Variants in NKD1 observed in about 807,000 individuals in gnomAD.
NKD1 encodes the protein NKD inhibitor of Wnt signaling pathway 1.
Under a neutral mutation model 56.0 loss-of-function variants are expected in NKD1, and 21 were observed. The ratio of observed to expected loss-of-function variants is 0.38; its 90% confidence interval spans 0.27 to 0.54. The LOEUF (loss-of-function observed/expected upper bound fraction) is 0.54, where lower values mean the gene tolerates loss of function less well. Ranked by LOEUF, NKD1 falls within the 20% of genes least tolerant of loss-of-function variation. NKD1 has a pLI of 0.82. For missense variants in NKD1, 578 were observed against 642.7 expected, an observed-to-expected ratio of 0.90 and a Z score of 1.09; for synonymous variants, 263 against 265.7, an observed-to-expected ratio of 0.99 and a Z score of 0.10.
chr16:50,621,755 T>C (rs753667699), intron 5 of NKD1, 47 bp downstream of exon 5: 6 of 1,437,486 alleles, frequency 4.2e-6, no homozygotes, highest in Non-Finnish European at 4.9e-6. Context: ...AGATGGGTTT[T>C]CTCAGCTTGG....
At chr16:50,618,920 G>A (rs1962025277) in intron 4 of NKD1, among the ~76,000 whole-genome samples, 1 of 152,212 alleles carries the variant, frequency 6.6e-6, no homozygotes, top group Non-Finnish European at 1.5e-5. Context: ...AAGGAAAGGG[G>A]AGGTCCTGAG....
chr16:50,632,176 T>C lies in NKD1; in HGVS notation c.696-105T>C, dbSNP rs1962360404. 9.2e-7 allele frequency: 1 copy of C among 1,090,562 alleles called. No individual in the cohort carries two copies. The highest frequency in any genetic ancestry group is 1.3e-6 in the Non-Finnish European group (1 of 744,366). 67.6% of individuals were successfully genotyped at this position (1,090,562 alleles called of 1,614,324 possible). ...CCCTCTCCAAAGGCCAAGAAGGAAA[T>C]GAATGAAGGGTCCAGAGTTCATTCT... On this transcript the variant is annotated intron_variant, in intron 8 of 9. Coordinates refer to ENST00000268459, the MANE Select transcript of NKD1 (RefSeq NM_033119.5). The surrounding 1 kb of genome is among the most constrained non-coding windows in gnomAD (Gnocchi z 4.1).
Position 50,548,399 on chromosome 16 carries a change from C to A in NKD1, c.-155C>A, listed in dbSNP as rs1036392046. 2 of 312,330 alleles carry A rather than the reference C, an allele frequency of 6.4e-6. No individual in the cohort carries two copies. The highest frequency in any genetic ancestry group is 1.3e-4 in the South Asian group (1 of 7,508). 19.3% of individuals were successfully genotyped at this position (312,330 alleles called of 1,614,324 possible). A position where few individuals can be genotyped will look rare whatever the true frequency, so the allele number is the denominator to read the frequency against. ...GGGCTCGGCGCTCCCGGGCGTCAGT[C>A]GGGCCGCGGCGACGGCGGCAGGAGC... On this transcript the variant is annotated 5_prime_UTR_variant, in exon 1 of 10. Coordinates refer to ENST00000268459, the MANE Select transcript of NKD1 (RefSeq NM_033119.5).
Position 50,623,506 on chromosome 16 carries a change from G to A in NKD1, c.366+1798G>A, listed in dbSNP as rs1962138972. Among the ~76,000 whole-genome samples the A allele has an allele frequency of 6.6e-6, 1 of 152,152 alleles. No homozygotes were observed. Among genetic ancestry groups the A allele is most frequent in the African/African-American group, 2.4e-5 (1 of 41,446 alleles). ...AGTGGCAGAAGGAAGACCAGGCCCA[G>A]GCATCCTGCCTCCCTGGAAGCCCAA... is the stretch of plus-strand genomic sequence containing the variant. On this transcript the variant is annotated intron_variant, in intron 5 of 9. Transcript: ENST00000268459. The surrounding 1 kb of genome is among the most constrained non-coding windows in gnomAD (Gnocchi z 4.1).
In NKD1 at chr16:50,548,533, C is replaced by T; in HGVS notation, c.-21C>T. The T allele has an allele frequency of 6.8e-7, 1 of 1,463,436 alleles. No individual in the cohort carries two copies. Among genetic ancestry groups the T allele is most frequent in the East Asian group, 3.0e-5 (1 of 32,992 alleles). 90.7% of individuals were successfully genotyped at this position (1,463,436 alleles called of 1,614,324 possible). On this transcript the variant is annotated 5_prime_UTR_variant, in exon 1 of 10. Coordinates refer to ENST00000268459, the MANE Select transcript of NKD1 (RefSeq NM_033119.5). ...GCCGGGCGCATGGCTTAGGGACGCT[C>T]CCGGCCGCCGCAGCCCCAGCATGGG...
At chr16:50,563,931 A>G (rs904523790) in intron 3 of NKD1, among the ~76,000 whole-genome samples, 1 of 150,128 alleles carries the variant, frequency 6.7e-6, no homozygotes, top group African/African-American at 2.5e-5. Flanking sequence ...CCTGTGTGTC[A>G]GGCTAAACTC....
At chr16:50,574,323 G>C in intron 3 of NKD1, 1 of 985,398 alleles carries the variant, frequency 1.0e-6, no homozygotes, top group South Asian at 4.7e-5. Context: ...AGTCAGAACT[G>C]GGGGCTGAGG....
At chr16:50,578,052 T>A (rs1961027833) in intron 3 of NKD1, among the ~76,000 whole-genome samples, 1 of 152,238 alleles carries the variant, frequency 6.6e-6, no homozygotes, top group African/African-American at 2.4e-5. Flanking sequence ...TTTAGAATTT[T>A]ATTTATCACT....
chr16:50,578,130 T>G (rs1044506308), intron 3 of NKD1, among the ~76,000 whole-genome samples: 1 of 152,208 alleles, frequency 6.6e-6, no homozygotes, highest in Non-Finnish European at 1.5e-5. Context: ...GCTCCTTCCA[T>G]GTTGTGGCTT....
At chr16:50,577,256 A>G (rs948698885) in intron 3 of NKD1, among the ~76,000 whole-genome samples, 6 of 152,196 alleles carry the variant, frequency 3.9e-5, no homozygotes, top group Non-Finnish European at 8.8e-5. Context: ...GTGGGTGGGT[A>G]GAGTATATTT....
At chr16:50,608,776 T>C (rs1037691504) in intron 4 of NKD1, among the ~76,000 whole-genome samples, 3 of 152,186 alleles carry the variant, frequency 2.0e-5, no homozygotes, top group Admixed American at 1.3e-4. Context: ...ACTCTCTTGG[T>C]GCATGAGTGT....
chr16:50,591,654 T>A (rs1401580579), intron 3 of NKD1, among the ~76,000 whole-genome samples: 1 of 152,200 alleles, frequency 6.6e-6, no homozygotes, highest in Admixed American at 6.5e-5. Flanking sequence ...CATTTTTCCC[T>A]ACCATAACCA....
At chr16:50,616,092 C>G (rs142020416) in intron 4 of NKD1, 77 of 455,784 alleles carry the variant, frequency 1.7e-4, no homozygotes, top group African/African-American at 1.3e-3. Flanking sequence ...GGCAAGCAAC[C>G]CTGAGACTAA....
At chr16:50,629,516 C>T (rs1468806803) in intron 6 of NKD1, among the ~76,000 whole-genome samples, 1 of 152,198 alleles carries the variant, frequency 6.6e-6, no homozygotes, top group Non-Finnish European at 1.5e-5. Flanking sequence ...CAAAGTTCAC[C>T]TGCTGCCATG....
In NKD1 at chr16:50,608,238, C is replaced by T. The variant is rs908166848; in HGVS notation, c.193-56C>T. On this transcript the variant is annotated intron_variant, in intron 3 of 9. Transcript: ENST00000268459. ...GTCCTCATGGCACTGCTTTTAACGT[C>T]CCAGCACTGGGCTCCCCCAACCCCT... The T allele has an allele frequency of 9.7e-6, 12 of 1,237,930 alleles. No homozygotes were observed. In the African/African-American group the frequency reaches 1.8e-4, roughly 18 times the overall value. The allele number at this position is 1,237,930 out of a possible 1,614,324, so 76.7% of individuals were successfully genotyped here.
rs891647040 is a variant in NKD1, at chr16:50,641,394, C to T, written c.*7613C>T. ...AAGTCAATCCTCTGCTCACCGGGAC[C>T]GTACCTAGCCTGGCCCATCGATGTG... On this transcript the variant is annotated 3_prime_UTR_variant, in exon 10 of 10. Coordinates refer to ENST00000268459, the MANE Select transcript of NKD1 (RefSeq NM_033119.5). 7 of 152,204 alleles carry T rather than the reference C, an allele frequency of 4.6e-5. No individual in the cohort carries two copies. Among genetic ancestry groups the T allele is most frequent in the African/African-American group, 1.2e-4 (5 of 41,454 alleles). The allele number at this position is 152,204 out of a possible 1,614,324, so 9.4% of individuals were successfully genotyped here.
chr16:50,624,772 T>G (rs945446025), intron 5 of NKD1, among the ~76,000 whole-genome samples: 2 of 152,220 alleles, frequency 1.3e-5, no homozygotes, highest in Non-Finnish European at 2.9e-5. Flanking sequence ...CACTGCCTCC[T>G]GTCCCTCCCT....
At chr16:50,611,187 C>G (rs1961838358) in intron 4 of NKD1, among the ~76,000 whole-genome samples, 2 of 152,202 alleles carry the variant, frequency 1.3e-5, no homozygotes, top group South Asian at 2.1e-4. Context: ...TGCTTCATCC[C>G]CCTCTCCCAT....
At chr16:50,597,240 G>A (rs1241131812) in intron 3 of NKD1, among the ~76,000 whole-genome samples, 1 of 152,074 alleles carries the variant, frequency 6.6e-6, no homozygotes, top group African/African-American at 2.4e-5. Flanking sequence ...CCTCTGGGGT[G>A]TCTGGCCAGA....
Sources: allele counts gnomAD v4.1 joint callset (sites outside exome capture counted in the v4.1 genomes callset), GRCh38; gene constraint gnomAD v4.1.1; non-coding constraint Gnocchi (gnomAD v3.1); transcripts MANE v1.5; gene names NCBI Gene and HGNC (gene_info 2026-07-23, HGNC 2026-07-21).